RIMS2: variants seen among roughly 807,000 people sequenced by gnomAD.
RIMS2 encodes the protein regulating synaptic membrane exocytosis protein 2.
RIMS2 carries 59 observed loss-of-function variants against 174.4 expected under a neutral mutation model. That is an observed-to-expected ratio of 0.34 (90% CI 0.27 to 0.42). RIMS2 has a LOEUF of 0.42. RIMS2 is among the 10% of genes least tolerant of loss of function. RIMS2 has a pLI of 1.00. For synonymous variants in RIMS2, 606 were observed against 572.5 expected, an observed-to-expected ratio of 1.06 and a Z score of -0.84; for missense variants, 1,620 against 1,666.3, an observed-to-expected ratio of 0.97 and a Z score of 0.48.
chr8:104,052,998 G>C (rs1408435945), intron 19 of RIMS2, among the ~76,000 whole-genome samples: 1 of 152,148 alleles, frequency 6.6e-6, no homozygotes, highest in African/African-American at 2.4e-5. Context: ...AAAATGTCAA[G>C]GACAGTGTAA....
At chr8:104,169,304 CTATATATATATA>C (rs751636552) in intron 19 of RIMS2, among the ~76,000 whole-genome samples, 3 of 87,544 alleles carry the variant, frequency 3.4e-5, no homozygotes, top group Non-Finnish European at 6.4e-5. Context: ...TTGTTGTTGG[CTATATATATATA>C]TATATATATA....
chr8:103,589,559 A>T (rs921495842), intron 1 of RIMS2, among the ~76,000 whole-genome samples: 1 of 151,568 alleles, frequency 6.6e-6, no homozygotes, highest in Admixed American at 6.6e-5. Context: ...ACCATATGAT[A>T]CAGTACACCC....
chr8:103,514,569 A>G (rs568665581), intron 1 of RIMS2, among the ~76,000 whole-genome samples: 1 of 151,760 alleles, frequency 6.6e-6, no homozygotes, highest in East Asian at 1.9e-4. Context: ...ATTTTTTTCA[A>G]TATCTACAAT....
chr8:103,761,532 T>C (rs1286668668), intron 2 of RIMS2, among the ~76,000 whole-genome samples: 1 of 152,206 alleles, frequency 6.6e-6, no homozygotes, highest in Admixed American at 6.5e-5. Context: ...AGGTCTTGGC[T>C]GAACAGCATG....
rs766903423 is a variant in RIMS2 at position 103,921,795 on chromosome 8, A to G, written c.2196+11A>G. 1.1e-5 allele frequency: 11 copies of G among 989,136 alleles called. No individual in the cohort carries two copies. Among genetic ancestry groups the G allele is most frequent in the Admixed American group, 5.5e-5 (3 of 54,664 alleles). The allele number at this position is 989,136 out of a possible 1,614,324, so 61.3% of individuals were successfully genotyped here. A position where few individuals can be genotyped will look rare whatever the true frequency, so the allele number is the denominator to read the frequency against. Reference sequence around the variant, plus strand: ...TCAGGACAACTTTCAGTATGTAGTCATTACGTTTACTCTTCTTTTTGGAAT... The same window carrying G: ...TCAGGACAACTTTCAGTATGTAGTCGTTACGTTTACTCTTCTTTTTGGAAT... On this transcript the variant is annotated intron_variant, in intron 10 of 23. Coordinates refer to ENST00000504942, the Ensembl canonical transcript of RIMS2.
chr8:104,224,573 C>T (rs2099173672), intron 19 of RIMS2, among the ~76,000 whole-genome samples: 1 of 152,150 alleles, frequency 6.6e-6, no homozygotes, highest in Non-Finnish European at 1.5e-5. Context: ...TTTACTGATA[C>T]ACTAGTTGCA....
At chr8:103,942,880 G>T (rs1212328356) in exon 14 of RIMS2, 2 of 1,613,446 alleles carry the variant, frequency 1.2e-6, no homozygotes, top group East Asian at 4.5e-5. Flanking sequence ...CTCCATATAT[G>T]CCACGAAGAC....
chr8:103,719,348 A>T lies in RIMS2; in HGVS notation c.387+22052A>T, dbSNP rs547121578. Among the ~76,000 whole-genome samples the T allele has an allele frequency of 5.1e-4, 78 of 152,240 alleles. 3 individuals are homozygous for T. The highest frequency in any genetic ancestry group is 1.5e-5 in the Non-Finnish European group (1 of 68,044). ...TTTTTTGCTTCTTATACCCAAAAAC[A>T]TTCCTAATGGAAACACTAGTAAGAT... On this transcript the variant is annotated intron_variant, in intron 2 of 23. Transcript: ENST00000504942.
chr8:103,853,143 A>G (rs993213367), intron 3 of RIMS2, among the ~76,000 whole-genome samples: 3 of 152,006 alleles, frequency 2.0e-5, no homozygotes, highest in Admixed American at 6.6e-5. Flanking sequence ...AAGTATCTCA[A>G]TGTGGTTTTG....
At chr8:104,093,480 G>A (rs1384694928) in intron 19 of RIMS2, 1 of 1,596,102 alleles carries the variant, frequency 6.3e-7, no homozygotes, top group South Asian at 1.1e-5. Flanking sequence ...GTATCGATCA[G>A]GATGGGATCC....
At chr8:103,555,616 AG>A (rs1019002790) in intron 1 of RIMS2, among the ~76,000 whole-genome samples, 1 of 152,094 alleles carries the variant, frequency 6.6e-6, no homozygotes, top group Non-Finnish European at 1.5e-5. Context: ...AATCAACCTA[AG>A]GGTTCATCAA....
intron 1 of RIMS2, among the ~76,000 whole-genome samples, chr8:103,610,473 T>C (rs2134164727): frequency 6.6e-6 from 1 of 152,324 alleles, no homozygotes; most frequent in East Asian, 1.9e-4. Context: ...GGTTTTGTCA[T>C]AGATGGTTCT....
At chr8:103,845,858 AT>A (rs1453259165) in intron 3 of RIMS2, among the ~76,000 whole-genome samples, 1 of 152,122 alleles carries the variant, frequency 6.6e-6, no homozygotes, top group African/African-American at 2.4e-5. Flanking sequence ...TTGAACTAAT[AT>A]TTAAGTACCT....
In RIMS2 at chr8:103,599,029, C is replaced by T. The variant is rs184397688; in HGVS notation, c.176+97967C>T. On this transcript the variant is annotated intron_variant, in intron 1 of 23. Transcript: ENST00000504942. ...CCCTCAACTTTGAATATTTTCTCCTCAATTTTTGCCAAGAGCTAGGGAGAG... is the reference window on the plus strand; with the variant it reads ...CCCTCAACTTTGAATATTTTCTCCTTAATTTTTGCCAAGAGCTAGGGAGAG... Among the ~76,000 whole-genome samples the T allele has an allele frequency of 3.6e-4, 55 of 152,170 alleles. No individual in the cohort carries two copies. The East Asian group carries it at 7.9e-3, about 22-fold the overall frequency.
chr8:103,615,142 A>C (rs527874588), intron 1 of RIMS2, among the ~76,000 whole-genome samples: 1 of 152,358 alleles, frequency 6.6e-6, no homozygotes, highest in Non-Finnish European at 1.5e-5. Flanking sequence ...GACATAAAAC[A>C]ATCCTCAGCA....
At chr8:103,765,744 T>C (rs1423019656) in intron 2 of RIMS2, among the ~76,000 whole-genome samples, 1 of 152,136 alleles carries the variant, frequency 6.6e-6, no homozygotes, top group Non-Finnish European at 1.5e-5. Flanking sequence ...TTTAAATAAA[T>C]TATTTCTAAT....
At chr8:104,192,177 A>G (rs1175633544) in intron 19 of RIMS2, among the ~76,000 whole-genome samples, 1 of 152,238 alleles carries the variant, frequency 6.6e-6, no homozygotes, top group Non-Finnish European at 1.5e-5. Flanking sequence ...ATGAAATGCA[A>G]ATATCAACAG....
rs556387673 is a variant in RIMS2 at position 103,744,477 on chromosome 8, T to A, written c.388-21750T>A. ...ATGAGCTGTATGGCTTTATTTTTTT[T>A]AAATTTAATTTTATGGAACAATTTA... On this transcript the variant is annotated intron_variant, in intron 2 of 23. Coordinates refer to ENST00000504942, the Ensembl canonical transcript of RIMS2. 1.2e-4 allele frequency among the ~76,000 whole-genome samples: 18 copies of A among 152,380 alleles called. 1 individual carries two copies. The highest frequency in any genetic ancestry group is 3.4e-3 in the Middle Eastern group (1 of 294).
intron 1 of RIMS2, among the ~76,000 whole-genome samples, chr8:103,505,902 T>A (rs1407073284): frequency 4.6e-5 from 7 of 152,146 alleles, no homozygotes; most frequent in Non-Finnish European, 8.8e-5. Flanking sequence ...TTTTTAGTGA[T>A]TTGTGGAGGC....
Sources: gnomAD v4.1 joint callset for allele counts (sites outside exome capture counted in the v4.1 genomes callset) on GRCh38, gnomAD v4.1.1 for gene constraint, MANE v1.5 for transcripts, NCBI Gene and HGNC (gene_info 2026-07-23, HGNC 2026-07-21) for gene names.